Variants in FAM13B observed in about 807,000 individuals in gnomAD.
The protein encoded by FAM13B is protein FAM13B.
A neutral mutation model predicts 117.3 loss-of-function variants in FAM13B; 60 were observed. The observed-to-expected ratio is 0.51, with a 90% confidence interval of 0.42 to 0.63. The LOEUF (loss-of-function observed/expected upper bound fraction) is 0.63. FAM13B is among the 30% of genes least tolerant of loss of function. The probability of loss-of-function intolerance (pLI) is 0.00; values close to 1 mark genes in which losing one functional copy is unlikely to be tolerated. For synonymous variants in FAM13B, 332 were observed against 356.1 expected, an observed-to-expected ratio of 0.93 and a Z score of 0.76; for missense variants, 972 against 1,091.9, an observed-to-expected ratio of 0.89 and a Z score of 1.55.
chr5:138,020,120 G>T, intron 2 of FAM13B: 1 of 506,558 alleles, frequency 2.0e-6, no homozygotes, highest in Non-Finnish European at 2.5e-6. Flanking sequence ...GAGTGCAATG[G>T]TGCAATCTTG....
chr5:137,948,994 T>C lies in FAM13B; in HGVS notation c.2121A>G (p.Lys707=). ...GAAGACACCTCTCAATACGTTTTTC[T>C]TTCAGTCTTTTAAGAATAAGTTCAA... ...ATLELILKRL[K]EKRIERCLPE... Residue 707 remains lysine (K), a synonymous_variant, in exon 18 of 24, where the codon AAA becomes AAG. Transcript: ENST00000689681. 1.9e-6 allele frequency: 3 copies of C among 1,613,938 alleles called. No individual in the cohort carries two copies. The highest frequency in any genetic ancestry group is 2.5e-6 in the Non-Finnish European group (3 of 1,179,996).
intron 1 of FAM13B, among the ~76,000 whole-genome samples, chr5:138,024,808 CACACAGAG>C (rs1787777116): frequency 3.4e-5 from 1 of 29,532 alleles, no homozygotes. Context: ...CACACACACA[CACACAGAG>C]AGAGAGAGAG....
chr5:138,013,834 C>G (rs1277735255), intron 4 of FAM13B, among the ~76,000 whole-genome samples: 1 of 152,200 alleles, frequency 6.6e-6, no homozygotes, highest in Non-Finnish European at 1.5e-5. Flanking sequence ...AACATTCTCT[C>G]CAGCTCTGTG....
chr5:137,964,732 CAGAACCTTGGTATCTCACTCAAA>C (rs1173288364), intron 10 of FAM13B, among the ~76,000 whole-genome samples: 1 of 151,674 alleles, frequency 6.6e-6, no homozygotes, highest in Non-Finnish European at 1.5e-5. Flanking sequence ...AACAAACAAA[CAGAACCTTGGTATCTCACTCAAA>C]AGAACCAAAT....
intron 1 of FAM13B, among the ~76,000 whole-genome samples, chr5:138,029,614 A>T (rs1789371477): frequency 6.6e-6 from 1 of 152,154 alleles, no homozygotes; most frequent in Admixed American, 6.5e-5. Context: ...CAAACACTAA[A>T]TCCAACGTGA....
intron 6 of FAM13B, among the ~76,000 whole-genome samples, chr5:138,010,190 G>T (rs182345626): frequency 6.6e-6 from 1 of 151,980 alleles, no homozygotes; most frequent in East Asian, 1.9e-4. Context: ...CATGTTGGCC[G>T]GGCTGGTCTC....
chr5:137,964,728 C>T (rs1769182917), intron 10 of FAM13B, among the ~76,000 whole-genome samples: 1 of 151,730 alleles, frequency 6.6e-6, no homozygotes, highest in African/African-American at 2.4e-5. Flanking sequence ...CACAAACAAA[C>T]AAACAGAACC....
intron 7 of FAM13B, among the ~76,000 whole-genome samples, chr5:138,006,219 C>A (rs1352741093): frequency 6.6e-6 from 1 of 152,130 alleles, no homozygotes; most frequent in Non-Finnish European, 1.5e-5. Context: ...TTTTTAACCA[C>A]CCTTCCACTG....
Position 138,018,162 on chromosome 5 carries a change from C to T in FAM13B, c.370+140G>A, listed in dbSNP as rs143356918. The T allele has an allele frequency of 1.7e-4, 127 of 753,790 alleles. No homozygotes were observed. In the African/African-American group the frequency reaches 2.0e-3, roughly 12 times the overall value. The allele number at this position is 753,790 out of a possible 1,614,324, so 46.7% of individuals were successfully genotyped here. A position where few individuals can be genotyped will look rare whatever the true frequency, so the allele number is the denominator to read the frequency against. On this transcript the variant is annotated intron_variant, in intron 4 of 23. Transcript: ENST00000689681. ...TTGCCTTTCCTATGACAAGATCATA[C>T]AACCCCAAAAAGCAAATGAGAAAAT...
At chr5:138,036,955 G>A, upstream of FAM13B, 1 of 292,786 alleles carries the variant, frequency 3.4e-6, no homozygotes, top group East Asian at 9.4e-5. Context: ...AGAAGGTCAA[G>A]GATGCTGGTA....
chr5:138,002,259 T>C (rs1217486689), intron 7 of FAM13B, among the ~76,000 whole-genome samples: 4 of 152,188 alleles, frequency 2.6e-5, no homozygotes, highest in African/African-American at 9.6e-5. Flanking sequence ...TTGGGTGCAG[T>C]GGCTCACACC....
chr5:137,946,040 TA>T (rs1456263900), intron 19 of FAM13B, 43 bp from the exon 20 acceptor site: 4 of 1,505,178 alleles, frequency 2.7e-6, no homozygotes, highest in Non-Finnish European at 3.7e-6. Context: ...ATCACAAATC[TA>T]AAATGTCCAA....
In FAM13B at chr5:137,956,462, G is replaced by A. The variant is rs534016110; in HGVS notation, c.1507+15C>T. On this transcript the variant is annotated intron_variant, in intron 14 of 23. Coordinates refer to ENST00000689681, the MANE Select transcript of FAM13B (RefSeq NM_001385994.1). ...TAAAAGGCAAAAAAACTAAACTATG[G>A]TGAACCATACTTACCCTCCCCATCT... The A allele has an allele frequency of 2.5e-6, 4 of 1,574,308 alleles. No individual in the cohort carries two copies. The South Asian group carries it at 3.6e-5, about 14-fold the overall frequency.
chr5:138,010,456 AT>A (rs1004137280), intron 6 of FAM13B, among the ~76,000 whole-genome samples: 1 of 152,210 alleles, frequency 6.6e-6, no homozygotes, highest in African/African-American at 2.4e-5. Flanking sequence ...TAATAAAACA[AT>A]TTTTTAAAAG....
intron 13 of FAM13B, among the ~76,000 whole-genome samples, chr5:137,958,183 C>T (rs1426526414): frequency 6.6e-6 from 1 of 152,160 alleles, no homozygotes; most frequent in East Asian, 1.9e-4. Flanking sequence ...CAAAAAAGAA[C>T]ATTTAATCTT....
At chr5:137,984,671 G>A (rs191650797) in intron 10 of FAM13B, among the ~76,000 whole-genome samples, 5 of 152,122 alleles carry the variant, frequency 3.3e-5, no homozygotes, top group East Asian at 1.9e-4. Flanking sequence ...TAAGAAATAC[G>A]GAAGCTGTCT....
chr5:138,013,743 T>C (rs968116179), intron 4 of FAM13B, among the ~76,000 whole-genome samples: 1 of 152,148 alleles, frequency 6.6e-6, no homozygotes, highest in African/African-American at 2.4e-5. Flanking sequence ...CAGAAAATTA[T>C]TATAGAAATC....
chr5:138,045,397 A>G (rs1260688477), intron 1 of FAM13B, among the ~76,000 whole-genome samples: 2 of 151,928 alleles, frequency 1.3e-5, no homozygotes, highest in Non-Finnish European at 2.9e-5. Flanking sequence ...AGCCAAGCAC[A>G]GTGGCACACA....
intron 2 of FAM13B, 77 bp from the exon 3 acceptor site, chr5:138,019,223 TG>T: frequency 7.9e-7 from 1 of 1,270,306 alleles, no homozygotes; most frequent in Non-Finnish European, 1.1e-6. Flanking sequence ...TAAAGAAAAA[TG>T]CTTTACACCT....
Sources: allele counts gnomAD v4.1 joint callset (sites outside exome capture counted in the v4.1 genomes callset), GRCh38; gene constraint gnomAD v4.1.1; transcripts MANE v1.5; gene names NCBI Gene and HGNC (gene_info 2026-07-23, HGNC 2026-07-21).